CCDC63: variants seen among roughly 807,000 people sequenced by gnomAD.
CCDC63 encodes coiled-coil domain-containing protein 63.
In CCDC63, 54 loss-of-function variants were observed where a neutral mutation model predicts 63.6. That is an observed-to-expected ratio of 0.85 (90% CI 0.68 to 1.07). The LOEUF (loss-of-function observed/expected upper bound fraction) is 1.07, where lower values mean the gene tolerates loss of function less well. CCDC63 is among the 50% of genes least tolerant of loss of function. The probability of loss-of-function intolerance (pLI) is 0.00; values close to 1 mark genes in which losing one functional copy is unlikely to be tolerated. For synonymous variants in CCDC63, 253 were observed against 266.1 expected, an observed-to-expected ratio of 0.95 and a Z score of 0.48; for missense variants, 637 against 689.6, an observed-to-expected ratio of 0.92 and a Z score of 0.86.
chr12:110,867,591 C>G, intron 4 of CCDC63, among the ~76,000 whole-genome samples: 2 of 138,506 alleles, frequency 1.4e-5, no homozygotes, highest in African/African-American at 2.8e-5. Flanking sequence ...CCCCCCACCT[C>G]CCTCCCAGAC....
At chr12:110,855,015 T>C (rs2070753357) in intron 3 of CCDC63, among the ~76,000 whole-genome samples, 1 of 151,934 alleles carries the variant, frequency 6.6e-6, no homozygotes. Context: ...GGTTTCAAAC[T>C]CCTGAGCTCA....
intron 4 of CCDC63, among the ~76,000 whole-genome samples, chr12:110,868,770 GGAGAGGGAGAGGGAGAGGGAGAGGGAGA>G (rs2071022438): frequency 8.5e-6 from 1 of 116,994 alleles, no homozygotes; most frequent in South Asian, 3.7e-4. Flanking sequence ...GGAGGGGGAG[GGAGAGGGAGAGGGAGAGGGAGAGGGAGA>G]GGGAGAGCTT....
At chr12:110,900,305 A>C (rs185715080) in intron 10 of CCDC63, among the ~76,000 whole-genome samples, 1 of 152,184 alleles carries the variant, frequency 6.6e-6, no homozygotes, top group East Asian at 1.9e-4. Context: ...TTTTTCTCCT[A>C]AGATCAGGAA....
chr12:110,882,665 T>C (rs1217953243), intron 7 of CCDC63, among the ~76,000 whole-genome samples: 1 of 151,176 alleles, frequency 6.6e-6, no homozygotes, highest in Non-Finnish European at 1.5e-5. Flanking sequence ...GCCTAGCACA[T>C]ACCAAAATTC....
chr12:110,867,340 C>T (rs1174336923), intron 4 of CCDC63, among the ~76,000 whole-genome samples: 27 of 105,044 alleles, frequency 2.6e-4, no homozygotes, highest in African/African-American at 1.0e-3. Flanking sequence ...GGCGGCTGGC[C>T]GGGTGGAGGG....
At chr12:110,866,941 C>CG (rs1251881332) in intron 4 of CCDC63, among the ~76,000 whole-genome samples, 3 of 135,162 alleles carry the variant, frequency 2.2e-5, no homozygotes, top group Non-Finnish European at 4.9e-5. Context: ...GCTGGCCGGG[C>CG]GGGGGGCTGA....
At chr12:110,899,287 G>C (rs866359795) in intron 10 of CCDC63, among the ~76,000 whole-genome samples, 162 bp downstream of exon 10, 1 of 152,116 alleles carries the variant, frequency 6.6e-6, no homozygotes, top group Non-Finnish European at 1.5e-5. Flanking sequence ...ACACTTACCA[G>C]CTCTGGAGCC....
At chr12:110,882,513 C>T (rs1479566673) in intron 7 of CCDC63, among the ~76,000 whole-genome samples, 1 of 151,668 alleles carries the variant, frequency 6.6e-6, no homozygotes. Flanking sequence ...GAGGCTGCAG[C>T]AAGCTATGAT....
intron 4 of CCDC63, among the ~76,000 whole-genome samples, chr12:110,859,104 T>C (rs951677673): frequency 1.3e-5 from 2 of 152,164 alleles, no homozygotes; most frequent in African/African-American, 4.8e-5. Context: ...CACGCATTCT[T>C]AGTGGTTTAA....
chr12:110,856,844 C>CTTTTTTTTT (rs34855503), intron 3 of CCDC63, among the ~76,000 whole-genome samples: 1 of 115,548 alleles, frequency 8.7e-6, no homozygotes, highest in Non-Finnish European at 1.9e-5. Context: ...CCTTTCCTTT[C>CTTTTTTTTT]TTTTTTTTTT....
chr12:110,887,447 A>G lies in CCDC63; in HGVS notation c.1074+3197A>G, dbSNP rs559531635. Among the ~76,000 whole-genome samples the G allele has an allele frequency of 9.3e-5, 14 of 151,276 alleles. No individual in the cohort carries two copies. In the South Asian group the frequency reaches 2.9e-3, roughly 32 times the overall value. Reference sequence around the variant, plus strand: ...GGTGGTGGCTTGCTCTGCAAGCTCTATTCTTATACAAAATGTTTTTGTTTA... The same window carrying G: ...GGTGGTGGCTTGCTCTGCAAGCTCTGTTCTTATACAAAATGTTTTTGTTTA... On this transcript the variant is annotated intron_variant, in intron 8 of 11. Coordinates refer to ENST00000308208, the MANE Select transcript of CCDC63 (RefSeq NM_152591.3).
rs181263373 is a variant in CCDC63, at chr12:110,876,300, C to G, written c.489+2339C>G. Among the ~76,000 whole-genome samples, 793 of 151,984 alleles carry G rather than the reference C, an allele frequency of 5.2e-3. 6 individuals are homozygous for G. Among genetic ancestry groups the G allele is most frequent in the African/African-American group, 0.019 (767 of 41,448 alleles). On this transcript the variant is annotated intron_variant, in intron 5 of 11. Transcript: ENST00000308208. ...CTGGAGCAAAATTCACAGTAAGGAGCAAATGAGTGGTAACTGATAACTTCC... is the reference window on the plus strand; with the variant it reads ...CTGGAGCAAAATTCACAGTAAGGAGGAAATGAGTGGTAACTGATAACTTCC...
intron 8 of CCDC63, among the ~76,000 whole-genome samples, chr12:110,887,909 T>C (rs898018294): frequency 6.6e-6 from 1 of 152,164 alleles, no homozygotes; most frequent in Non-Finnish European, 1.5e-5. Context: ...CCTTCTTTTT[T>C]AGTTTCGTTT....
intron 4 of CCDC63, among the ~76,000 whole-genome samples, chr12:110,864,294 G>A (rs1445626137): frequency 6.6e-6 from 1 of 152,054 alleles, no homozygotes; most frequent in East Asian, 1.9e-4. Flanking sequence ...TTACCATCTG[G>A]CCCTTTAAGA....
intron 8 of CCDC63, among the ~76,000 whole-genome samples, chr12:110,885,201 A>G (rs1593681574): frequency 2.0e-5 from 3 of 151,004 alleles, no homozygotes; most frequent in East Asian, 3.9e-4. Context: ...AGAGAGAGAG[A>G]GAAATATGCA....
rs143239309 is a variant in CCDC63, at chr12:110,852,831, G to A, written c.-96-28G>A. On this transcript the variant is annotated intron_variant, in intron 1 of 11. Coordinates refer to ENST00000308208, the MANE Select transcript of CCDC63 (RefSeq NM_152591.3). ...CACCCCCAGCAGGGGTGGCTTACAA[G>A]TTCTCTTCCTTTTGCCACCATGAAC... 9.0e-5 allele frequency: 136 copies of A among 1,517,596 alleles called. No individual in the cohort carries two copies. The East Asian group carries it at 2.4e-3, about 27-fold the overall frequency. The allele number at this position is 1,517,596 out of a possible 1,614,324, so 94.0% of individuals were successfully genotyped here. A position where few individuals can be genotyped will look rare whatever the true frequency, so the allele number is the denominator to read the frequency against.
chr12:110,858,843 G>T, intron 4 of CCDC63, 68 bp downstream of exon 4: 1 of 1,416,068 alleles, frequency 7.1e-7, no homozygotes, highest in Non-Finnish European at 9.8e-7. Context: ...GTGCATATTC[G>T]TGATGCCTTA....
chr12:110,898,850 G>T, intron 9 of CCDC63, 83 bp from the exon 10 acceptor site: 1 of 1,116,616 alleles, frequency 9.0e-7, no homozygotes, highest in Non-Finnish European at 1.2e-6. Flanking sequence ...CCCGCAGTTT[G>T]GAGACCCTGA....
At chr12:110,878,715 C>A (rs894712239) in intron 5 of CCDC63, among the ~76,000 whole-genome samples, 2 of 152,100 alleles carry the variant, frequency 1.3e-5, no homozygotes, top group African/African-American at 2.4e-5. Context: ...CTGCAGATGC[C>A]CTTACGAGGT....
Sources: gnomAD v4.1 joint callset for allele counts (sites outside exome capture counted in the v4.1 genomes callset) on GRCh38, gnomAD v4.1.1 for gene constraint, MANE v1.5 for transcripts, NCBI Gene and HGNC (gene_info 2026-07-23, HGNC 2026-07-21) for gene names.